Variants in GRIK2 observed in about 807,000 individuals in gnomAD.
GRIK2 encodes the protein glutamate receptor ionotropic, kainate 2.
In GRIK2, 32 loss-of-function variants were observed where a neutral mutation model predicts 100.3. That is an observed-to-expected ratio of 0.32 (90% CI 0.24 to 0.43). The LOEUF (loss-of-function observed/expected upper bound fraction) is 0.43, where lower values mean the gene tolerates loss of function less well. GRIK2 is among the 20% of genes least tolerant of loss of function. GRIK2 has a pLI of 1.00. For synonymous variants in GRIK2, 417 were observed against 389.4 expected, an observed-to-expected ratio of 1.07 and a Z score of -0.83; for missense variants, 843 against 1,114.9, an observed-to-expected ratio of 0.76 and a Z score of 3.47.
chr6:101,914,360 C>T (rs1401781131), intron 12 of GRIK2, among the ~76,000 whole-genome samples: 1 of 151,236 alleles, frequency 6.6e-6, no homozygotes, highest in Non-Finnish European at 1.5e-5. Context: ...AGCATTACCC[C>T]CAGTTACATC....
intron 7 of GRIK2, among the ~76,000 whole-genome samples, chr6:101,773,940 A>G (rs1007724990): frequency 3.3e-5 from 5 of 152,208 alleles, no homozygotes; most frequent in African/African-American, 1.2e-4. Context: ...ACAAGATAGA[A>G]AGCTAAACAC....
At chr6:101,526,246 T>C (rs148383494) in intron 2 of GRIK2, among the ~76,000 whole-genome samples, 29 of 152,318 alleles carry the variant, frequency 1.9e-4, no homozygotes, top group African/African-American at 7.0e-4. Context: ...TTTGCTTCTG[T>C]TTTTGCTCTT....
chr6:102,005,815 T>TTAAG (rs1470963234), intron 14 of GRIK2, among the ~76,000 whole-genome samples: 1 of 152,172 alleles, frequency 6.6e-6, no homozygotes, highest in East Asian at 1.9e-4. Context: ...ACAATAGATA[T>TTAAG]TAAGTTTCTG....
At chr6:101,842,374 T>C (rs576899852) in intron 10 of GRIK2, among the ~76,000 whole-genome samples, 22 of 152,286 alleles carry the variant, frequency 1.4e-4, no homozygotes, top group African/African-American at 4.8e-4. Flanking sequence ...TGGTTTTTCC[T>C]CTGGGATGAT....
chr6:102,068,310 A>G, intron 16 of GRIK2, 37 bp from the exon 17 acceptor site: 2 of 1,459,064 alleles, frequency 1.4e-6, no homozygotes, highest in Non-Finnish European at 1.9e-6. Context: ...CAGTTTATGT[A>G]TCTTGTAATA....
At chr6:101,623,807 T>A (rs1024098407) in intron 3 of GRIK2, among the ~76,000 whole-genome samples, 1 of 152,190 alleles carries the variant, frequency 6.6e-6, no homozygotes, top group Non-Finnish European at 1.5e-5. Flanking sequence ...AGTGTATGAA[T>A]AACTGTCTTT....
rs183695327 is a variant in GRIK2, at chr6:101,495,305, A to G, written c.115+95913A>G. On this transcript the variant is annotated intron_variant, in intron 2 of 16. Transcript: ENST00000369134. ...TGGATCACGAGGTTAGGAGATCGAG[A>G]CCATCCTGGCTAACATGGTGAAATC... Among the ~76,000 whole-genome samples the G allele has an allele frequency of 1.3e-3, 202 of 152,048 alleles. 2 individuals are homozygous for G. The highest frequency in any genetic ancestry group is 4.7e-3 in the African/African-American group (197 of 41,494).
intron 16 of GRIK2, among the ~76,000 whole-genome samples, chr6:102,060,976 G>T (rs893579117): frequency 6.7e-6 from 1 of 150,144 alleles, no homozygotes; most frequent in Admixed American, 6.7e-5. Flanking sequence ...TTTTTTTATT[G>T]TTTTTATATC....
intron 2 of GRIK2, among the ~76,000 whole-genome samples, chr6:101,549,300 A>G (rs894179456): frequency 4.0e-5 from 6 of 148,154 alleles, no homozygotes; most frequent in Admixed American, 4.0e-4. Flanking sequence ...GATTGTATGT[A>G]GTATTTCTCT....
intron 2 of GRIK2, among the ~76,000 whole-genome samples, chr6:101,491,274 GAAAA>G (rs11392415): frequency 2.9e-5 from 4 of 140,008 alleles, no homozygotes; most frequent in Admixed American, 2.2e-4. Flanking sequence ...GAGAAAAAAA[GAAAA>G]AAAAAAAAAA....
intron 1 of GRIK2, among the ~76,000 whole-genome samples, chr6:101,395,747 T>G (rs1361058815): frequency 6.6e-6 from 1 of 152,186 alleles, no homozygotes; most frequent in Non-Finnish European, 1.5e-5. Context: ...TGTCAATTTA[T>G]CATAGGTTTG....
intron 2 of GRIK2, among the ~76,000 whole-genome samples, chr6:101,581,434 G>T (rs1245999143): frequency 6.6e-6 from 1 of 151,976 alleles, no homozygotes; most frequent in Non-Finnish European, 1.5e-5. Context: ...TGAAGAACTT[G>T]GTGTCCAGTG....
chr6:101,396,504 T>C (rs1195502488), intron 1 of GRIK2, among the ~76,000 whole-genome samples: 4 of 152,196 alleles, frequency 2.6e-5, no homozygotes, highest in Non-Finnish European at 5.9e-5. Context: ...AAGTAGTTTT[T>C]TTAACAGTAT....
At chr6:101,629,808 C>T (rs990011808) in intron 4 of GRIK2, among the ~76,000 whole-genome samples, 1 of 151,978 alleles carries the variant, frequency 6.6e-6, no homozygotes, top group African/African-American at 2.4e-5. Context: ...ACAACTGAAC[C>T]AATCACCCAA....
At chr6:101,771,651 T>C (rs1198237407) in intron 7 of GRIK2, among the ~76,000 whole-genome samples, 1 of 151,478 alleles carries the variant, frequency 6.6e-6, no homozygotes, top group Non-Finnish European at 1.5e-5. Flanking sequence ...TCATTTACAT[T>C]AGGTATATCT....
chr6:101,412,607 A>T (rs1477464134), intron 2 of GRIK2, among the ~76,000 whole-genome samples: 1 of 152,058 alleles, frequency 6.6e-6, no homozygotes, highest in Non-Finnish European at 1.5e-5. Context: ...GTTTAGCAAT[A>T]TGTGTCTAAA....
intron 2 of GRIK2, among the ~76,000 whole-genome samples, chr6:101,467,989 C>T (rs1771745790): frequency 6.6e-6 from 1 of 151,316 alleles, no homozygotes; most frequent in Non-Finnish European, 1.5e-5. Flanking sequence ...GAGAAGAGAG[C>T]CACTTCAAGT....
chr6:101,677,630 G>A (rs1770936505), intron 5 of GRIK2, among the ~76,000 whole-genome samples: 3 of 152,036 alleles, frequency 2.0e-5, no homozygotes, highest in Admixed American at 1.3e-4. Context: ...AGTAGAGCCT[G>A]GATTTGAACA....
Position 101,818,381 on chromosome 6 carries a change from G to T in GRIK2, c.1215G>T (p.Trp405Cys). 1 of 1,593,996 alleles carries T rather than the reference G, an allele frequency of 6.3e-7. No individual in the cohort carries two copies. The highest frequency in any genetic ancestry group is 8.6e-7 in the Non-Finnish European group (1 of 1,161,954). The stretch of plus-strand genomic sequence containing the variant: ...ATGCTATTTTATAGATTGGAACGTG[G>T]GATCCAGCCAGTGGCCTGAATATGA... ...KEEGLEKIGT[W>C]DPASGLNMTE... The change falls in exon 10 of 17, where the codon TGG (tryptophan) becomes TGT (cysteine). Residue 405 changes from tryptophan to cysteine, a missense_variant. Trp to Cys is a radical substitution (Grantham distance 215, BLOSUM62 -2). Transcript: ENST00000369134.
Sources: allele counts gnomAD v4.1 joint callset (sites outside exome capture counted in the v4.1 genomes callset), GRCh38; gene constraint gnomAD v4.1.1; transcripts MANE v1.5; gene names NCBI Gene and HGNC (gene_info 2026-07-23, HGNC 2026-07-21).